Variants in CLDN10 observed in about 807,000 individuals in gnomAD.
The protein encoded by CLDN10 is claudin-10.
A neutral mutation model predicts 22.9 loss-of-function variants in CLDN10; 15 were observed. The observed-to-expected ratio is 0.65, with a 90% confidence interval of 0.44 to 1.01. The LOEUF (loss-of-function observed/expected upper bound fraction) is 1.01. CLDN10 is among the 50% of genes least tolerant of loss of function. The pLI is 0.00. For missense variants in CLDN10, 247 were observed against 287.8 expected (o/e 0.86, Z 1.03); for synonymous variants, 114 against 111.4 (o/e 1.02, Z -0.15).
intron 1 of CLDN10, among the ~76,000 whole-genome samples, chr13:95,524,780 T>G (rs913122006): frequency 6.6e-6 from 1 of 152,148 alleles, no homozygotes; most frequent in African/African-American, 2.4e-5. Context: ...TCACCAGCAA[T>G]GTATGAGGGT....
intron 1 of CLDN10, chr13:95,528,443 T>C (rs934798376): frequency 7.2e-5 from 11 of 152,418 alleles, no homozygotes; most frequent in Admixed American, 7.2e-4. Flanking sequence ...GTCTCGAGTA[T>C]GTCTTTATCA....
chr13:95,537,945 T>C (rs1299448612), intron 1 of CLDN10, among the ~76,000 whole-genome samples: 1 of 152,150 alleles, frequency 6.6e-6, no homozygotes, highest in Non-Finnish European at 1.5e-5. Context: ...CAAAACTACA[T>C]CCTTCAGTGG....
chr13:95,519,805 C>A (rs2043206189), intron 1 of CLDN10, among the ~76,000 whole-genome samples: 1 of 152,150 alleles, frequency 6.6e-6, no homozygotes, highest in Non-Finnish European at 1.5e-5. Context: ...TGTGCTCTAA[C>A]ATACTGGGAG....
intron 1 of CLDN10, among the ~76,000 whole-genome samples, chr13:95,503,697 C>A (rs1329369737): frequency 6.6e-6 from 1 of 152,186 alleles, no homozygotes; most frequent in Non-Finnish European, 1.5e-5. Context: ...CTACAGCATA[C>A]ATGAATCTTA....
intron 1 of CLDN10, among the ~76,000 whole-genome samples, chr13:95,555,410 G>T (rs2043624313): frequency 6.6e-6 from 1 of 152,124 alleles, no homozygotes; most frequent in Non-Finnish European, 1.5e-5. Context: ...TTATAAAAAT[G>T]GTCAAAACTC....
Position 95,502,178 on chromosome 13 carries a change from T to A in CLDN10, c.215-57954T>A, listed in dbSNP as rs145155232. ...AGATTTTAAAGGTGAGAAAAAGAAG[T>A]TTAGCTGAACTCCAAGCTTCCTGAC... On this transcript the variant is annotated intron_variant, in intron 1 of 4. Coordinates refer to the CLDN10 transcript ENST00000376873. Among the ~76,000 whole-genome samples the A allele has an allele frequency of 6.1e-3, 922 of 152,284 alleles. 12 individuals are homozygous for A. Among genetic ancestry groups the A allele is most frequent in the African/African-American group, 0.021 (889 of 41,548 alleles).
intron 1 of CLDN10, among the ~76,000 whole-genome samples, chr13:95,506,600 G>A (rs577117694): frequency 6.6e-5 from 10 of 152,282 alleles, no homozygotes; most frequent in African/African-American, 1.9e-4. Flanking sequence ...CTCACTGATG[G>A]TGGCCCTTCT....
chr13:95,524,094 CTT>C (rs36014421), intron 1 of CLDN10, among the ~76,000 whole-genome samples: 1 of 137,894 alleles, frequency 7.3e-6, no homozygotes, highest in Admixed American at 7.2e-5. Flanking sequence ...CTTTGACTGG[CTT>C]TTTTTTTTTT....
upstream of CLDN10, among the ~76,000 whole-genome samples, chr13:95,549,782 G>A (rs1798121398): frequency 6.6e-6 from 1 of 152,148 alleles, no homozygotes; most frequent in South Asian, 2.1e-4. Flanking sequence ...CAGGCATGAC[G>A]ACCCTAGTCT....
At chr13:95,573,086 C>T (rs140553559) in intron 3 of CLDN10, among the ~76,000 whole-genome samples, 2,255 of 152,340 alleles carry the variant, frequency 0.015, 22 homozygotes, top group Middle Eastern at 0.034. Flanking sequence ...GCACCACATA[C>T]AGCTGGGTGG....
intron 3 of CLDN10, 81 bp from the exon 4 acceptor site, chr13:95,577,150 G>C (rs2043944205): frequency 2.3e-6 from 2 of 875,198 alleles, no homozygotes; most frequent in Non-Finnish European, 3.7e-6. Flanking sequence ...TAAGCATTTA[G>C]TAAATGTTGA....
chr13:95,551,411 TGTCCTGCTG>T (rs2043564908), upstream of CLDN10, among the ~76,000 whole-genome samples: 1 of 152,220 alleles, frequency 6.6e-6, no homozygotes, highest in Non-Finnish European at 1.5e-5. Flanking sequence ...GTGTGGAGCG[TGTCCTGCTG>T]GTCTACAGTG....
chr13:95,547,046 C>CTTT lies in CLDN10; in HGVS notation c.215-13069_215-13067dup, dbSNP rs34873593. Among the ~76,000 whole-genome samples, 98 of 131,276 alleles carry CTTT rather than the reference C, an allele frequency of 7.5e-4. 1 individual carries two copies. The highest frequency in any genetic ancestry group is 2.6e-3 in the African/African-American group (91 of 35,486). The allele number at this position is 131,276 out of a possible 152,430, so 86.1% of individuals were successfully genotyped here. On this transcript the variant is annotated intron_variant, in intron 1 of 4. Coordinates refer to the CLDN10 transcript ENST00000376873. Reference sequence around the variant, plus strand: ...GCTGGGACTACAGGCGGCTGGCTAACTTTTTTTTTTTTTTTTTTTAAGAGA... The same window carrying CTTT: ...GCTGGGACTACAGGCGGCTGGCTAACTTTTTTTTTTTTTTTTTTTTTTAAGAGA...
At chr13:95,493,040 C>A (rs1474566606) in intron 1 of CLDN10, among the ~76,000 whole-genome samples, 1 of 152,160 alleles carries the variant, frequency 6.6e-6, no homozygotes, top group Non-Finnish European at 1.5e-5. Context: ...CTGTGTCCTG[C>A]AGGGGCAGTC....
At chr13:95,553,219 C>T (rs1479792653) in intron 1 of CLDN10, among the ~76,000 whole-genome samples, 1 of 152,146 alleles carries the variant, frequency 6.6e-6, no homozygotes, top group Non-Finnish European at 1.5e-5. Flanking sequence ...CAGACAGGCC[C>T]GGGTTGGTGA....
chr13:95,560,090 C>G (rs760241596), intron 1 of CLDN10, 42 bp from the exon 2 acceptor site: 31 of 1,549,068 alleles, frequency 2.0e-5, no homozygotes, highest in African/African-American at 2.7e-5. Flanking sequence ...CCCTGGACAG[C>G]CACATGCTTT....
At chr13:95,441,734 A>C (rs1253633405) in intron 1 of CLDN10, among the ~76,000 whole-genome samples, 4 of 152,196 alleles carry the variant, frequency 2.6e-5, no homozygotes, top group Non-Finnish European at 4.4e-5. Context: ...TCTTCTATGC[A>C]CATTAAATGT....
At chr13:95,433,878 G>C in exon 1 of CLDN10, 1 of 1,614,210 alleles carries the variant, frequency 6.2e-7, no homozygotes, top group Non-Finnish European at 8.5e-7. Flanking sequence ...GTGTCGGAGG[G>C]TTTGGAGCTC....
At chr13:95,484,874 A>AAG (rs1566295032) in intron 1 of CLDN10, among the ~76,000 whole-genome samples, 1 of 128,846 alleles carries the variant, frequency 7.8e-6, no homozygotes, top group African/African-American at 2.7e-5. Flanking sequence ...TCAAAAAAAA[A>AAG]AAAAAAAAAA....
Sources: allele counts gnomAD v4.1 joint callset (sites outside exome capture counted in the v4.1 genomes callset), GRCh38; gene constraint gnomAD v4.1.1; transcripts MANE v1.5; gene names NCBI Gene and HGNC (gene_info 2026-07-23, HGNC 2026-07-21).